Variants in CREBL2 observed in about 807,000 individuals in gnomAD.
The protein encoded by CREBL2 is cAMP responsive element binding protein like 2.
A neutral mutation model predicts 19.5 loss-of-function variants in CREBL2; 4 were observed. The ratio of observed to expected loss-of-function variants is 0.20; its 90% CI spans 0.10 to 0.47. The LOEUF is 0.47. Among genes scored for constraint, CREBL2 ranks in the 20% least tolerant of loss-of-function variants. CREBL2 has a pLI of 0.98. For missense variants in CREBL2, 85 were observed against 145.1 expected, an observed-to-expected ratio of 0.59 and a Z score of 2.13; for synonymous variants, 42 against 46.6, an observed-to-expected ratio of 0.90 and a Z score of 0.40.
intron 3 of CREBL2, among the ~76,000 whole-genome samples, chr12:12,641,263 A>AGGTCAACCT (rs1945518341): frequency 1.2e-5 from 1 of 85,928 alleles, no homozygotes; most frequent in Non-Finnish European, 2.2e-5. Flanking sequence ...ATTTTTTTTT[A>AGGTCAACCT]TTTTTTTTTT....
At chr12:12,632,732 C>T (rs903089569) in intron 1 of CREBL2, 40 of 151,916 alleles carry the variant, frequency 2.6e-4, no homozygotes, top group Middle Eastern at 3.2e-3. Context: ...ATAGTAAATA[C>T]ACTTTGTTTT....
intron 3 of CREBL2, among the ~76,000 whole-genome samples, chr12:12,640,720 G>A (rs1489252008): frequency 1.3e-5 from 2 of 152,182 alleles, no homozygotes; most frequent in Non-Finnish European, 2.9e-5. Flanking sequence ...GCTCCAGCCG[G>A]TCCCTCTGTT....
At chr12:12,624,099 T>G (rs1235841759) in intron 1 of CREBL2, among the ~76,000 whole-genome samples, 1 of 152,176 alleles carries the variant, frequency 6.6e-6, no homozygotes, top group Non-Finnish European at 1.5e-5. Context: ...ACCACATTTG[T>G]GGTAATTTGT....
At chr12:12,621,944 TAGG>T (rs1945363082) in intron 1 of CREBL2, among the ~76,000 whole-genome samples, 1 of 152,146 alleles carries the variant, frequency 6.6e-6, no homozygotes, top group South Asian at 2.1e-4. Flanking sequence ...GGTGAAAATG[TAGG>T]AACTGGGACA....
intron 1 of CREBL2, among the ~76,000 whole-genome samples, chr12:12,630,950 A>G (rs1008395058): frequency 6.6e-6 from 1 of 152,182 alleles, no homozygotes; most frequent in African/African-American, 2.4e-5. Context: ...TTTAACTGTC[A>G]TTTATTAAAT....
rs1485903297 is a variant in CREBL2 at position 12,643,867 on chromosome 12, G to A, written c.*1869G>A. On this transcript the variant is annotated 3_prime_UTR_variant, in exon 4 of 4. Coordinates refer to ENST00000228865, the MANE Select transcript of CREBL2 (RefSeq NM_001310.4). ...TAAATATAGCATTCAGATTGTAATTGGTATGTTTTTGCCATCTGGTCCACT... is the reference window on the plus strand; with the variant it reads ...TAAATATAGCATTCAGATTGTAATTAGTATGTTTTTGCCATCTGGTCCACT... The A allele has an allele frequency of 2.0e-5, 3 of 152,520 alleles. No individual in the cohort carries two copies. The highest frequency in any genetic ancestry group is 6.5e-5 in the Admixed American group (1 of 15,270). The allele number at this position is 152,520 out of a possible 1,614,324, so 9.4% of individuals were successfully genotyped here.
At chr12:12,638,401 C>T (rs1945492389) in intron 3 of CREBL2, among the ~76,000 whole-genome samples, 1 of 152,036 alleles carries the variant, frequency 6.6e-6, no homozygotes, top group Non-Finnish European at 1.5e-5. Flanking sequence ...CATGCCATTG[C>T]ACTCCAGCCT....
At chr12:12,624,278 T>C (rs61294589) in intron 1 of CREBL2, among the ~76,000 whole-genome samples, 1,751 of 152,286 alleles carry the variant, frequency 0.011, 43 homozygotes, top group African/African-American at 0.04. Context: ...AAAAACACCC[T>C]AAAGTTATTA....
In CREBL2 at chr12:12,612,027, C is replaced by T; in HGVS notation, c.-146C>T. 1.1e-6 allele frequency: 1 copy of T among 951,606 alleles called. No homozygotes were observed. The highest frequency in any genetic ancestry group is 1.5e-5 in the South Asian group (1 of 68,528). The allele number at this position is 951,606 out of a possible 1,614,324, so 58.9% of individuals were successfully genotyped here. On this transcript the variant is annotated 5_prime_UTR_variant, in exon 1 of 4. Coordinates refer to ENST00000228865, the MANE Select transcript of CREBL2 (RefSeq NM_001310.4). The stretch of plus-strand genomic sequence containing the variant: ...TGGTCCCTCGTCCCCGTGACTCTGG[C>T]ATCAGGGAAGCGAACTGTTAGGCGA...
At position 12,613,012 on chromosome 12, in the gene CREBL2, C is replaced by G. The variant is rs1376064323; in HGVS notation, c.15+825C>G. ...TCAGCCTCCCGAGCAGCTGGGATTACAGGCATGCACCACCATGCCCGGCTA... is the reference window on the plus strand; with the variant it reads ...TCAGCCTCCCGAGCAGCTGGGATTAGAGGCATGCACCACCATGCCCGGCTA... On this transcript the variant is annotated intron_variant, in intron 1 of 3. Transcript: ENST00000228865. Among the ~76,000 whole-genome samples, 3 of 152,188 alleles carry G rather than the reference C, an allele frequency of 2.0e-5. No homozygotes were observed. The South Asian group carries it at 6.2e-4, about 31-fold the overall frequency.
intron 1 of CREBL2, among the ~76,000 whole-genome samples, chr12:12,618,667 G>A (rs1289822522): frequency 2.0e-5 from 3 of 152,242 alleles, no homozygotes; most frequent in Non-Finnish European, 2.9e-5. Context: ...CACTTTGGGA[G>A]GCCAAGGCAG....
intron 1 of CREBL2, among the ~76,000 whole-genome samples, chr12:12,616,398 A>C (rs117286312): frequency 6.6e-6 from 1 of 152,258 alleles, no homozygotes; most frequent in Non-Finnish European, 1.5e-5. Flanking sequence ...ACAGGTAAGC[A>C]CAGTGAATTT....
At chr12:12,634,531 C>T (rs918218332) in intron 1 of CREBL2, among the ~76,000 whole-genome samples, 5 of 150,966 alleles carry the variant, frequency 3.3e-5, no homozygotes, top group South Asian at 4.2e-4. Flanking sequence ...TATATATATA[C>T]GATTTTATAC....
intron 1 of CREBL2, among the ~76,000 whole-genome samples, chr12:12,624,305 G>A (rs1945383772): frequency 6.6e-6 from 1 of 152,160 alleles, no homozygotes; most frequent in Admixed American, 6.5e-5. Context: ...AGGTTAATCT[G>A]GCAGCTCTTT....
At chr12:12,628,773 G>C (rs1945421187) in intron 1 of CREBL2, among the ~76,000 whole-genome samples, 1 of 152,072 alleles carries the variant, frequency 6.6e-6, no homozygotes, top group Non-Finnish European at 1.5e-5. Flanking sequence ...ACTGCACCCG[G>C]CTTGTTCAAT....
chr12:12,630,266 G>A (rs960242838), intron 1 of CREBL2, among the ~76,000 whole-genome samples: 1 of 152,044 alleles, frequency 6.6e-6, no homozygotes, highest in African/African-American at 2.4e-5. Context: ...ATTACTGATT[G>A]TGTCTTGTTA....
In CREBL2 at chr12:12,614,777, G is replaced by T. The variant is rs893399192; in HGVS notation, c.15+2590G>T. 1.2e-4 allele frequency: 43 copies of T among 355,638 alleles called. 1 individual carries two copies. The highest frequency in any genetic ancestry group is 9.1e-4 in the South Asian group (38 of 41,854). 22.0% of individuals were successfully genotyped at this position (355,638 alleles called of 1,614,324 possible). ...CTTGGCAAGAATCTTTCCCTTTTTT[G>T]TTTACAACAATGCCAACAGAATGCT... On this transcript the variant is annotated intron_variant, in intron 1 of 3. Transcript: ENST00000228865.
chr12:12,639,886 A>G (rs1945504766), intron 3 of CREBL2, among the ~76,000 whole-genome samples: 1 of 152,170 alleles, frequency 6.6e-6, no homozygotes, highest in Non-Finnish European at 1.5e-5. Context: ...AAGAACAGGG[A>G]GTAGGCACAA....
chr12:12,618,808 C>T (rs1018923876), intron 1 of CREBL2, among the ~76,000 whole-genome samples: 1 of 152,256 alleles, frequency 6.6e-6, no homozygotes, highest in African/African-American at 2.4e-5. Context: ...GCGGGCAGAT[C>T]ACTCGCGGTC....
Sources: allele counts gnomAD v4.1 joint callset (sites outside exome capture counted in the v4.1 genomes callset), GRCh38; gene constraint gnomAD v4.1.1; transcripts MANE v1.5; gene names NCBI Gene and HGNC (gene_info 2026-07-23, HGNC 2026-07-21).